The following PCDHA8 variants were observed in gnomAD, a reference collection of about 807,000 sequenced individuals.
PCDHA8 encodes protocadherin alpha-8.
PCDHA8 carries 53 observed loss-of-function variants against 61.8 expected under a neutral mutation model. The observed-to-expected ratio is 0.86, with a 90% CI of 0.69 to 1.08. The LOEUF is 1.08. Ranked by LOEUF, PCDHA8 falls within the 50% of genes least tolerant of loss-of-function variation. The pLI is 0.00. For synonymous variants in PCDHA8, 618 were observed against 556.6 expected, an observed-to-expected ratio of 1.11 and a Z score of -1.55; for missense variants, 1,293 against 1,245.0, an observed-to-expected ratio of 1.04 and a Z score of -0.58.
rs781920774 is a variant in PCDHA8 at position 140,882,850 on chromosome 5, T to A, written c.2394+39135T>A. 4 of 1,614,090 alleles carry A rather than the reference T, an allele frequency of 2.5e-6. No homozygotes were observed. In the African/African-American group the frequency reaches 5.3e-5, roughly 22 times the overall value. ...TTGAGCAAATGTCTTCATTATCACT[T>A]GTACTGAGGAAAACACTGGACAGAG... On this transcript the variant is annotated intron_variant, in intron 1 of 3. Coordinates refer to ENST00000531613, the MANE Select transcript of PCDHA8 (RefSeq NM_018911.3).
At chr5:140,856,020 G>A (rs782082828) in intron 1 of PCDHA8, 2 of 1,553,262 alleles carry the variant, frequency 1.3e-6, no homozygotes, top group African/African-American at 1.4e-5. Context: ...CCGCTGATTC[G>A]TCGATTTGTA....
rs77940063 is a variant in PCDHA8, at chr5:140,966,638, T to G, written c.2395-12311T>G. Reference sequence around the variant, plus strand: ...ACGGAGGGAGCGGCCCCAGGCGCTTTCTAGAGCGTGAGCGGTGGGGGAGCA... The same window carrying G: ...ACGGAGGGAGCGGCCCCAGGCGCTTGCTAGAGCGTGAGCGGTGGGGGAGCA... On this transcript the variant is annotated intron_variant, in intron 1 of 3. Transcript: ENST00000531613. The G allele has an allele frequency of 3.9e-3, 4,251 of 1,090,104 alleles. 104 individuals carry two copies. The African/African-American group carries it at 0.057, about 15-fold the overall frequency. 67.5% of individuals were successfully genotyped at this position (1,090,104 alleles called of 1,614,324 possible).
chr5:140,900,768 T>A (rs1554189412), intron 1 of PCDHA8, among the ~76,000 whole-genome samples: 2 of 152,192 alleles, frequency 1.3e-5, no homozygotes, highest in Non-Finnish European at 1.5e-5. Context: ...TATTTTTGGC[T>A]TTTTGAGGAA....
chr5:140,876,029 A>C, intron 1 of PCDHA8: 1 of 1,613,700 alleles, frequency 6.2e-7, no homozygotes, highest in Non-Finnish European at 8.5e-7. Context: ...AAAACAAAAA[A>C]AGATAAAAGT....
chr5:140,981,974 A>G (rs782298715), intron 2 of PCDHA8, among the ~76,000 whole-genome samples: 6 of 152,232 alleles, frequency 3.9e-5, no homozygotes, highest in Non-Finnish European at 8.8e-5. Context: ...AGATATAGAA[A>G]GAGTAAAATA....
intron 1 of PCDHA8, among the ~76,000 whole-genome samples, chr5:140,954,899 T>C (rs2095107956): frequency 6.6e-6 from 1 of 152,196 alleles, no homozygotes; most frequent in South Asian, 2.1e-4. Flanking sequence ...GTTTTTATAG[T>C]TTCATACTTT....
intron 1 of PCDHA8, among the ~76,000 whole-genome samples, chr5:140,959,041 T>C (rs1291778863): frequency 2.6e-5 from 4 of 152,118 alleles, no homozygotes; most frequent in Non-Finnish European, 5.9e-5. Flanking sequence ...GGTATGTATG[T>C]ATAGGAAAAA....
chr5:140,912,163 G>T (rs1018826504), intron 1 of PCDHA8, among the ~76,000 whole-genome samples: 4 of 152,092 alleles, frequency 2.6e-5, no homozygotes, highest in African/African-American at 9.7e-5. Context: ...TTTTATTCTG[G>T]CTGTGCTGGC....
intron 3 of PCDHA8, among the ~76,000 whole-genome samples, chr5:140,993,715 G>A (rs954129865): frequency 2.0e-5 from 3 of 152,060 alleles, no homozygotes; most frequent in Non-Finnish European, 4.4e-5. Flanking sequence ...TATTTTTACT[G>A]TACCTTTTCT....
Position 140,842,566 on chromosome 5 carries a change from CGA to C in PCDHA8, c.1251_1252del (p.Arg417SerfsTer5). ...TGGTGCTGGACAGCGCCCTGGACCG[CGA>C]GAGAGTGTCGGCCTATGAGTTGGTG... ...SLVLDSALDR[E>X]RVSAYELVVT... On this transcript the variant is annotated frameshift_variant, in exon 1 of 4. Transcript: ENST00000531613. LOFTEE classifies it high-confidence loss of function. 6.7e-7 allele frequency: 1 copy of C among 1,503,446 alleles called. No individual in the cohort carries two copies. The highest frequency in any genetic ancestry group is 9.0e-7 in the Non-Finnish European group (1 of 1,107,054). 93.1% of individuals were successfully genotyped at this position (1,503,446 alleles called of 1,614,324 possible).
chr5:140,939,789 A>G (rs1259994967), intron 1 of PCDHA8, among the ~76,000 whole-genome samples: 1 of 152,246 alleles, frequency 6.6e-6, no homozygotes, highest in Non-Finnish European at 1.5e-5. Context: ...GTCAATTTCT[A>G]TAAATGTTCT....
intron 1 of PCDHA8, chr5:140,927,345 C>G (rs1391320223): frequency 1.2e-6 from 2 of 1,614,012 alleles, no homozygotes. Context: ...CCCAAGATGA[C>G]GACGAGGGAA....
rs572471986 is a variant in PCDHA8, at chr5:140,873,263, A to T, written c.2394+29548A>T. The stretch of plus-strand genomic sequence containing the variant: ...ATAAAATATTTCAGACTCAAAAGTG[A>T]TTAAACCATCATACCACTTATGAAA... On this transcript the variant is annotated intron_variant, in intron 1 of 3. Coordinates refer to ENST00000531613, the MANE Select transcript of PCDHA8 (RefSeq NM_018911.3). Among the ~76,000 whole-genome samples, 8 of 152,356 alleles carry T rather than the reference A, an allele frequency of 5.3e-5. 1 individual carries two copies. Among genetic ancestry groups the T allele is most frequent in the Middle Eastern group, 6.8e-3 (2 of 294 alleles).
At position 140,869,590 on chromosome 5, in the gene PCDHA8, G is replaced by A. The variant is rs372301742; in HGVS notation, c.2394+25875G>A. 61 of 1,613,984 alleles carry A rather than the reference G, an allele frequency of 3.8e-5. No individual in the cohort carries two copies. The highest frequency in any genetic ancestry group is 4.9e-5 in the Non-Finnish European group (58 of 1,180,038). ...AGAGGGAGCTTCTGATGCTGACATT[G>A]AAGAGAATGCTCTATTGACCTACAG... On this transcript the variant is annotated intron_variant, in intron 1 of 3. Coordinates refer to ENST00000531613, the MANE Select transcript of PCDHA8 (RefSeq NM_018911.3).
chr5:140,841,810 A>C lies in PCDHA8; in HGVS notation c.489A>C (p.Gly163=), dbSNP rs2150323152. 5.6e-6 allele frequency: 9 copies of C among 1,613,740 alleles called. No homozygotes were observed. Among genetic ancestry groups the C allele is most frequent in the East Asian group, 2.2e-5 (1 of 44,900 alleles). ...AGGGCGCGTCCGATGCAGATGTTGG[A>C]GCTAACTCCGTGTTAACCTACAGGC... is the stretch of plus-strand genomic sequence containing the variant. The part of the protein sequence containing the change: ...PLEGASDADV[G]ANSVLTYRLS... Residue 163 remains glycine (G), a synonymous_variant, in exon 1 of 4, where the codon GGA becomes GGC. Coordinates refer to ENST00000531613, the MANE Select transcript of PCDHA8 (RefSeq NM_018911.3).
intron 1 of PCDHA8, among the ~76,000 whole-genome samples, chr5:140,914,284 G>T (rs781914384): frequency 9.9e-5 from 15 of 152,022 alleles, no homozygotes; most frequent in Non-Finnish European, 2.1e-4. Flanking sequence ...ATTTATAATT[G>T]TTATATCCTC....
intron 1 of PCDHA8, among the ~76,000 whole-genome samples, chr5:140,907,449 A>G (rs1554192997): frequency 6.6e-6 from 1 of 152,232 alleles, no homozygotes; most frequent in Admixed American, 6.5e-5. Flanking sequence ...ACAGATGGTA[A>G]TCTTGGCAGA....
intron 3 of PCDHA8, among the ~76,000 whole-genome samples, chr5:140,993,344 A>G (rs1379621962): frequency 1.3e-5 from 2 of 152,022 alleles, no homozygotes; most frequent in Admixed American, 6.6e-5. Context: ...GAAGGGCACT[A>G]CGAAGATCCT....
In PCDHA8 at chr5:140,987,225, A is replaced by T. The variant is rs182444933; in HGVS notation, c.2542+4662A>T. On this transcript the variant is annotated intron_variant, in intron 3 of 3. Transcript: ENST00000531613. Reference sequence around the variant, plus strand: ...TGAGACTCCATCTCAAAAAAAAAAAAAATAATAAATAAAGAAAGAAAGACA... The same window carrying T: ...TGAGACTCCATCTCAAAAAAAAAAATAATAATAAATAAAGAAAGAAAGACA... 6.5e-3 allele frequency among the ~76,000 whole-genome samples: 935 copies of T among 143,134 alleles called. 9 individuals carry two copies. Among genetic ancestry groups the T allele is most frequent in the African/African-American group, 0.025 (815 of 32,962 alleles). The allele number at this position is 143,134 out of a possible 152,430, so 93.9% of individuals were successfully genotyped here. A position where few individuals can be genotyped will look rare whatever the true frequency, so the allele number is the denominator to read the frequency against.
Sources: gnomAD v4.1 joint callset for allele counts (sites outside exome capture counted in the v4.1 genomes callset) on GRCh38, gnomAD v4.1.1 for gene constraint, MANE v1.5 for transcripts, NCBI Gene and HGNC (gene_info 2026-07-23, HGNC 2026-07-21) for gene names.